KLHL32: variants seen among roughly 807,000 people sequenced by gnomAD.
KLHL32 encodes the protein kelch-like protein 32.
Under a neutral mutation model 64.8 loss-of-function variants are expected in KLHL32, and 35 were observed. The ratio of observed to expected loss-of-function variants is 0.54; its 90% CI spans 0.41 to 0.72. The LOEUF (loss-of-function observed/expected upper bound fraction) is 0.72, where lower values mean the gene tolerates loss of function less well. Among genes scored for constraint, KLHL32 ranks in the 30% least tolerant of loss-of-function variants. The pLI, the probability that KLHL32 is intolerant of heterozygous loss-of-function variation, is 0.00. For missense variants in KLHL32, 589 were observed against 768.5 expected (o/e 0.77, Z 2.76); for synonymous variants, 259 against 281.0 (o/e 0.92, Z 0.78).
upstream of KLHL32, among the ~76,000 whole-genome samples, chr6:96,922,712 G>T (rs1768788852): frequency 6.6e-6 from 1 of 152,122 alleles, no homozygotes; most frequent in Non-Finnish European, 1.5e-5. Flanking sequence ...TTAATAAGGA[G>T]AAAGACTATA....
At chr6:97,101,587 G>A (rs926815789) in intron 6 of KLHL32, among the ~76,000 whole-genome samples, 1 of 152,108 alleles carries the variant, frequency 6.6e-6, no homozygotes, top group Non-Finnish European at 1.5e-5. Flanking sequence ...AAAACAACTG[G>A]GTTTCAGTCT....
chr6:96,986,229 G>A lies in KLHL32; in HGVS notation c.204+10052G>A, dbSNP rs547185726. Among the ~76,000 whole-genome samples the A allele has an allele frequency of 1.7e-3, 256 of 152,266 alleles. 2 individuals are homozygous for A. Among genetic ancestry groups the A allele is most frequent in the Non-Finnish European group, 1.6e-3 (112 of 68,026 alleles). On this transcript the variant is annotated intron_variant, in intron 3 of 10. Transcript: ENST00000369261. ...GATGTTGCTGCCGGATCGTTCCTCT[G>A]GAATTTTTGTCTCAGAGGAGTATCC...
Position 97,064,693 on chromosome 6 carries a change from G to T in KLHL32, c.378G>T (p.Glu126Asp). 1 of 1,614,126 alleles carries T rather than the reference G, an allele frequency of 6.2e-7. No individual in the cohort carries two copies. Among genetic ancestry groups the T allele is most frequent in the Non-Finnish European group, 8.5e-7 (1 of 1,179,984 alleles). Residue 126 changes from glutamate to aspartate, a missense_variant, in exon 5 of 11, where the codon GAG (glutamate) becomes GAT (aspartate). Coordinates refer to ENST00000369261, the MANE Select transcript of KLHL32 (RefSeq NM_052904.4). ...CGGGCAGTCACCTACAGCTGTTGGA[G>T]CTTCTCAATTTATGCTCCCACTATC... ...LAAGSHLQLL[E>D]LLNLCSHYLI...
chr6:96,976,360 C>T (rs963417199), intron 3 of KLHL32, among the ~76,000 whole-genome samples, 183 bp downstream of exon 3: 1 of 151,982 alleles, frequency 6.6e-6, no homozygotes, highest in Non-Finnish European at 1.5e-5. Flanking sequence ...GGGCAGGGCA[C>T]CTGGATGTCC....
At position 96,977,350 on chromosome 6, in the gene KLHL32, TAAC is replaced by T. The variant is rs1428597850; in HGVS notation, c.204+1174_204+1176del. Among the ~76,000 whole-genome samples the T allele has an allele frequency of 3.9e-5, 6 of 152,366 alleles. No homozygotes were observed. The East Asian group carries it at 1.2e-3, about 29-fold the overall frequency. On this transcript the variant is annotated intron_variant, in intron 3 of 10. Coordinates refer to ENST00000369261, the MANE Select transcript of KLHL32 (RefSeq NM_052904.4). The stretch of plus-strand genomic sequence containing the variant: ...GGAATCGAAATCTATGTTTGACTCT[TAAC>T]GAGTGTGATAGTCTGCTTCATATAT...
At chr6:96,949,805 G>A (rs1031130136) in intron 1 of KLHL32, among the ~76,000 whole-genome samples, 1 of 152,016 alleles carries the variant, frequency 6.6e-6, no homozygotes, top group Admixed American at 6.6e-5. Context: ...GTATTTAGTA[G>A]TAGTAAAACT....
intron 6 of KLHL32, among the ~76,000 whole-genome samples, chr6:97,099,916 A>G (rs1795481905): frequency 6.6e-6 from 1 of 152,026 alleles, no homozygotes; most frequent in Non-Finnish European, 1.5e-5. Context: ...TGAAGAGGGT[A>G]TCTTCTTCGA....
At chr6:97,128,852 G>C (rs924122762) in intron 8 of KLHL32, among the ~76,000 whole-genome samples, 5 of 152,248 alleles carry the variant, frequency 3.3e-5, no homozygotes, top group African/African-American at 1.2e-4. Context: ...GGCAGGCTTT[G>C]CAAACCAGAT....
chr6:96,966,970 C>G, intron 1 of KLHL32, 26 bp from the exon 2 acceptor site: 2 of 1,189,906 alleles, frequency 1.7e-6, no homozygotes, highest in Middle Eastern at 2.0e-4. Context: ...GCTCAATGCA[C>G]CCTTTTCTCT....
chr6:96,952,188 C>T (rs1409747015), intron 1 of KLHL32, among the ~76,000 whole-genome samples: 1 of 152,162 alleles, frequency 6.6e-6, no homozygotes, highest in Non-Finnish European at 1.5e-5. Context: ...TTCAGCCACC[C>T]AAGACCTTGA....
chr6:97,132,604 A>T (rs1330208833), intron 9 of KLHL32, 49 bp from the exon 10 acceptor site: 1 of 1,396,000 alleles, frequency 7.2e-7, no homozygotes, highest in Non-Finnish European at 1.0e-6. Context: ...TAATTAAAAT[A>T]TGTAAGAAAT....
chr6:96,936,179 A>G (rs1369167137), intron 1 of KLHL32, among the ~76,000 whole-genome samples: 1 of 152,200 alleles, frequency 6.6e-6, no homozygotes, highest in African/African-American at 2.4e-5. Flanking sequence ...AGAAAATGAG[A>G]TATTCCATAA....
intron 6 of KLHL32, among the ~76,000 whole-genome samples, chr6:97,104,672 A>C (rs187006077): frequency 3.1e-4 from 47 of 152,344 alleles, no homozygotes; most frequent in Non-Finnish European, 4.0e-4. Context: ...ATAATGGTTA[A>C]TGTGCAATCT....
intron 8 of KLHL32, among the ~76,000 whole-genome samples, chr6:97,130,434 G>A (rs1394409931): frequency 1.3e-5 from 2 of 152,132 alleles, no homozygotes; most frequent in South Asian, 2.1e-4. Flanking sequence ...ATTTGCATGA[G>A]TAAATTCTCT....
At chr6:96,910,463 A>G in the KLHL32 span, among the ~76,000 whole-genome samples, 4 of 152,104 alleles carry the variant, frequency 2.6e-5, no homozygotes, top group South Asian at 2.1e-4. Flanking sequence ...TGTGTTTATT[A>G]TTTTTACATT....
intron 3 of KLHL32, among the ~76,000 whole-genome samples, chr6:96,994,790 G>A (rs1157677232): frequency 1.3e-5 from 2 of 152,192 alleles, no homozygotes; most frequent in Non-Finnish European, 2.9e-5. Flanking sequence ...TAAGCAGTGT[G>A]AGCACAGCAT....
intron 6 of KLHL32, among the ~76,000 whole-genome samples, chr6:97,101,088 A>G (rs1795669161): frequency 6.7e-6 from 1 of 149,272 alleles, no homozygotes; most frequent in African/African-American, 2.5e-5. Flanking sequence ...GATTATAGGC[A>G]TGAGCCACTG....
intron 10 of KLHL32, among the ~76,000 whole-genome samples, chr6:97,138,244 A>G (rs992934105): frequency 3.2e-4 from 38 of 119,970 alleles, no homozygotes; most frequent in African/African-American, 1.1e-3. Context: ...GCTGTGCTAT[A>G]TAAGAAGAGA....
chr6:96,938,793 A>C (rs1021509512), intron 1 of KLHL32, among the ~76,000 whole-genome samples: 3 of 152,000 alleles, frequency 2.0e-5, no homozygotes, highest in Non-Finnish European at 4.4e-5. Context: ...AGTTACACCC[A>C]CCCTGCAGTA....
Sources: gnomAD v4.1 joint callset for allele counts (sites outside exome capture counted in the v4.1 genomes callset) on GRCh38, gnomAD v4.1.1 for gene constraint, MANE v1.5 for transcripts, NCBI Gene and HGNC (gene_info 2026-07-23, HGNC 2026-07-21) for gene names.